Variants in CADM2 observed in about 807,000 individuals in gnomAD.
CADM2 encodes cell adhesion molecule 2.
In CADM2, 12 loss-of-function variants were observed where a neutral mutation model predicts 49.8. The observed-to-expected ratio is 0.24, with a 90% CI of 0.15 to 0.39. The LOEUF (loss-of-function observed/expected upper bound fraction) is 0.39. Among genes scored for constraint, CADM2 ranks in the 10% least tolerant of loss-of-function variants. The probability of loss-of-function intolerance (pLI) is 1.00; values close to 1 mark genes in which losing one functional copy is unlikely to be tolerated. For synonymous variants in CADM2, 214 were observed against 175.4 expected, an observed-to-expected ratio of 1.22 and a Z score of -1.74; for missense variants, 378 against 492.3, an observed-to-expected ratio of 0.77 and a Z score of 2.20.
At chr3:86,001,985 A>T (rs1453308844) in intron 8 of CADM2, among the ~76,000 whole-genome samples, 1 of 152,036 alleles carries the variant, frequency 6.6e-6, no homozygotes, top group Non-Finnish European at 1.5e-5. Context: ...TGGTCAAGAA[A>T]ATTGGAAGAT....
At chr3:85,105,608 G>A (rs1049815796) in intron 1 of CADM2, among the ~76,000 whole-genome samples, 23 of 152,084 alleles carry the variant, frequency 1.5e-4, no homozygotes, top group Non-Finnish European at 3.4e-4. Flanking sequence ...ATACCCAAGG[G>A]ACTATAAATC....
At chr3:85,788,104 G>A (rs2071103781) in intron 2 of CADM2, among the ~76,000 whole-genome samples, 1 of 151,974 alleles carries the variant, frequency 6.6e-6, no homozygotes, top group African/African-American at 2.4e-5. Flanking sequence ...GTTCTGGTGG[G>A]CAAGAATCAT....
intron 1 of CADM2, among the ~76,000 whole-genome samples, chr3:85,246,415 T>C (rs1387016418): frequency 1.3e-5 from 2 of 152,062 alleles, no homozygotes; most frequent in Non-Finnish European, 2.9e-5. Flanking sequence ...CTGCACGTCA[T>C]GCACATGTAC....
intron 1 of CADM2, among the ~76,000 whole-genome samples, chr3:85,293,447 C>T (rs914708580): frequency 7.1e-6 from 1 of 141,264 alleles, no homozygotes; most frequent in Non-Finnish European, 1.5e-5. Context: ...ATGAGGCCAG[C>T]ATCATTCTGA....
chr3:85,399,407 GT>G, intron 1 of CADM2, among the ~76,000 whole-genome samples: 1 of 152,292 alleles, frequency 6.6e-6, no homozygotes, highest in Admixed American at 6.5e-5. Flanking sequence ...AAGTCAGGTA[GT>G]GTGATGCCTC....
chr3:85,930,067 G>A (rs953748635), intron 6 of CADM2, among the ~76,000 whole-genome samples: 1 of 151,698 alleles, frequency 6.6e-6, no homozygotes, highest in East Asian at 1.9e-4. Flanking sequence ...TGTTTAAAGA[G>A]GAATAATTTA....
At chr3:85,227,073 TGTG>T (rs1190313977) in intron 1 of CADM2, among the ~76,000 whole-genome samples, 2 of 152,174 alleles carry the variant, frequency 1.3e-5, no homozygotes, top group African/African-American at 2.4e-5. Context: ...ATAAGTGCAA[TGTG>T]GTGCTAAGAA....
chr3:85,917,821 G>A (rs1017929188), intron 6 of CADM2, among the ~76,000 whole-genome samples: 5 of 152,124 alleles, frequency 3.3e-5, no homozygotes, highest in Non-Finnish European at 7.4e-5. Context: ...TCTTCCATTT[G>A]TTTGTGTCCT....
chr3:85,347,607 A>C (rs1166519298), intron 1 of CADM2, among the ~76,000 whole-genome samples: 2 of 140,768 alleles, frequency 1.4e-5, no homozygotes, highest in Admixed American at 1.5e-4. Flanking sequence ...ACATATATAT[A>C]AAAATATATA....
intron 3 of CADM2, among the ~76,000 whole-genome samples, chr3:85,811,617 G>GA (rs2072881756): frequency 6.6e-6 from 1 of 152,092 alleles, no homozygotes; most frequent in Non-Finnish European, 1.5e-5. Flanking sequence ...TACATATTTT[G>GA]TAAGTACATT....
At chr3:85,921,375 A>G (rs1719089068) in intron 6 of CADM2, among the ~76,000 whole-genome samples, 1 of 152,002 alleles carries the variant, frequency 6.6e-6, no homozygotes, top group Admixed American at 6.6e-5. Context: ...TAGTTAGAAA[A>G]TGACTGTAAT....
At chr3:85,736,107 C>A (rs1054877808) in intron 2 of CADM2, among the ~76,000 whole-genome samples, 1 of 151,528 alleles carries the variant, frequency 6.6e-6, no homozygotes, top group African/African-American at 2.4e-5. Flanking sequence ...TGATGACATA[C>A]AAGCAAAGGT....
chr3:85,347,909 G>T (rs1226918795), intron 1 of CADM2, among the ~76,000 whole-genome samples: 1 of 151,542 alleles, frequency 6.6e-6, no homozygotes, highest in Non-Finnish European at 1.5e-5. Context: ...CTAGGTTCAC[G>T]CCATTCTCCT....
At chr3:84,965,450 A>G (rs2107059971) in intron 1 of CADM2, among the ~76,000 whole-genome samples, 1 of 152,336 alleles carries the variant, frequency 6.6e-6, no homozygotes, top group African/African-American at 2.4e-5. Flanking sequence ...TATAACCAGA[A>G]ATGATCCAGA....
At chr3:85,276,221 C>T (rs186884424) in intron 1 of CADM2, among the ~76,000 whole-genome samples, 99 of 151,308 alleles carry the variant, frequency 6.5e-4, no homozygotes, top group Middle Eastern at 3.4e-3. Flanking sequence ...CCTCAATATT[C>T]GATTAACCTT....
chr3:85,657,511 A>C (rs1382527747), intron 1 of CADM2, among the ~76,000 whole-genome samples: 1 of 152,022 alleles, frequency 6.6e-6, no homozygotes, highest in Admixed American at 6.6e-5. Context: ...TGACATCATT[A>C]GAATTTTTTC....
At chr3:85,601,124 A>AAG (rs2063380781) in intron 1 of CADM2, among the ~76,000 whole-genome samples, 33 of 61,652 alleles carry the variant, frequency 5.4e-4, no homozygotes, top group Admixed American at 2.3e-3. Flanking sequence ...GCATTTATAT[A>AAG]TGTGTGTATA....
intron 1 of CADM2, among the ~76,000 whole-genome samples, chr3:85,570,252 A>AT (rs1355247930): frequency 6.6e-6 from 1 of 152,070 alleles, no homozygotes; most frequent in Non-Finnish European, 1.5e-5. Context: ...CTTTTGGGGA[A>AT]TTTTTTAATG....
At chr3:86,040,475 G>C (rs1735734599) in intron 8 of CADM2, among the ~76,000 whole-genome samples, 1 of 152,160 alleles carries the variant, frequency 6.6e-6, no homozygotes, top group Non-Finnish European at 1.5e-5. Flanking sequence ...CTGGAAGAAA[G>C]GGTATCAGTG....
Sources: allele counts gnomAD v4.1 joint callset (sites outside exome capture counted in the v4.1 genomes callset), GRCh38; gene constraint gnomAD v4.1.1; transcripts MANE v1.5; gene names NCBI Gene and HGNC (gene_info 2026-07-23, HGNC 2026-07-21).